The following ATL3 variants were observed in gnomAD, a reference collection of about 807,000 sequenced individuals.
ATL3 encodes atlastin-3.
Under a neutral mutation model 69.5 loss-of-function variants are expected in ATL3, and 49 were observed. The ratio of observed to expected loss-of-function variants is 0.71; its 90% CI spans 0.56 to 0.89. ATL3 has a LOEUF of 0.89. ATL3 is among the 40% of genes least tolerant of loss of function. The pLI is 0.00. For missense variants in ATL3, 606 were observed against 645.7 expected, an observed-to-expected ratio of 0.94 and a Z score of 0.67; for synonymous variants, 214 against 224.1, an observed-to-expected ratio of 0.95 and a Z score of 0.40.
chr11:63,657,205 T>G (rs1590740539), intron 3 of ATL3, among the ~76,000 whole-genome samples: 2 of 94,186 alleles, frequency 2.1e-5, no homozygotes, highest in Non-Finnish European at 2.2e-5. Context: ...TGAGACTACA[T>G]CTCAAAAAAA....
upstream of ATL3, chr11:63,671,742 T>C (rs1940796341): frequency 8.2e-7 from 1 of 1,222,600 alleles, no homozygotes; most frequent in Non-Finnish European, 1.0e-6. Context: ...GGGCGGGGCT[T>C]GGCGTGGTTC....
At chr11:63,668,653 G>A (rs1163726330) in intron 1 of ATL3, among the ~76,000 whole-genome samples, 3 of 152,022 alleles carry the variant, frequency 2.0e-5, no homozygotes, top group Non-Finnish European at 4.4e-5. Context: ...CCAAGGAGAG[G>A]GCTGAATCTG....
At position 63,631,969 on chromosome 11, in the gene ATL3, G is replaced by A. The variant is rs1192052256; in HGVS notation, c.1108-498C>T. ...TGCACTCCAGCCTGGGCGACAGAGTGAGACTCCGTCTCTAAAAAACAAAAG... is the reference window on the plus strand; with the variant it reads ...TGCACTCCAGCCTGGGCGACAGAGTAAGACTCCGTCTCTAAAAAACAAAAG... On this transcript the variant is annotated intron_variant, in intron 11 of 12. Coordinates refer to ENST00000398868, the MANE Select transcript of ATL3 (RefSeq NM_015459.5). Among the ~76,000 whole-genome samples the A allele has an allele frequency of 2.6e-5, 4 of 152,176 alleles. No homozygotes were observed. In the East Asian group the frequency reaches 7.7e-4, roughly 29 times the overall value.
intron 5 of ATL3, among the ~76,000 whole-genome samples, chr11:63,646,927 T>C (rs1415669831): frequency 1.3e-5 from 2 of 152,150 alleles, no homozygotes; most frequent in African/African-American, 4.8e-5. Flanking sequence ...CCCCACAACC[T>C]CATTCAGTAT....
At chr11:63,636,388 C>A (rs1383284950) in intron 8 of ATL3, 54 bp from the exon 9 acceptor site, 17 of 1,608,266 alleles carry the variant, frequency 1.1e-5, no homozygotes, top group Non-Finnish European at 1.4e-5. Flanking sequence ...CTTATTCAAC[C>A]AAGGTGAACA....
rs775479502 is a variant in ATL3, at chr11:63,659,091, G to A, written c.208C>T (p.Arg70Ter). 7.4e-6 allele frequency: 12 copies of A among 1,613,836 alleles called. No homozygotes were observed. The Admixed American group carries it at 8.3e-5, about 11-fold the overall frequency. ...VVVVSVAGAF[R>*]KGKSFILDFM... ...TCCAGAATGAAGGACTTGCCCTTTC[G>A]GAAGGCACCAGCCACTGAAACCACC... Residue 70 changes from arginine (R) to a stop codon, truncating the protein, a stop_gained, in exon 2 of 13, where the codon CGA (arginine) becomes TGA (stop). Coordinates refer to ENST00000398868, the MANE Select transcript of ATL3 (RefSeq NM_015459.5). LOFTEE classifies it high-confidence loss of function.
At chr11:63,652,810 C>T (rs2134508845) in intron 3 of ATL3, among the ~76,000 whole-genome samples, 1 of 152,302 alleles carries the variant, frequency 6.6e-6, no homozygotes, top group Middle Eastern at 3.4e-3. Context: ...AATTGCCCCA[C>T]CAATTGAAAC....
At chr11:63,646,137 C>A (rs1056285102) in intron 6 of ATL3, among the ~76,000 whole-genome samples, 16 of 152,200 alleles carry the variant, frequency 1.1e-4, no homozygotes, top group Admixed American at 9.8e-4. Context: ...AATTCTTCCA[C>A]CTGGGTCTCC....
intron 1 of ATL3, among the ~76,000 whole-genome samples, chr11:63,663,015 G>GCAGACAAAA (rs1257407114): frequency 6.6e-6 from 1 of 152,168 alleles, no homozygotes; most frequent in Non-Finnish European, 1.5e-5. Context: ...GGCAGGCAAA[G>GCAGACAAAA]CAGACAAAAC....
rs3892683 is a variant in ATL3, at chr11:63,648,189, C to T, written c.562-1626G>A. ...CTGAGGTTAGGAGTAAGTCTCCTAC[C>T]TTCAAACAGGTACTTAAATCAAAGT... is the stretch of plus-strand genomic sequence containing the variant. On this transcript the variant is annotated intron_variant, in intron 5 of 12. Transcript: ENST00000398868. Among the ~76,000 whole-genome samples, 148 of 152,164 alleles carry T rather than the reference C, an allele frequency of 9.7e-4. 1 individual carries two copies. The highest frequency in any genetic ancestry group is 1.6e-3 in the Non-Finnish European group (112 of 68,034).
At chr11:63,661,578 A>AAAGAG (rs369003319) in intron 1 of ATL3, among the ~76,000 whole-genome samples, 60 of 152,100 alleles carry the variant, frequency 3.9e-4, no homozygotes, top group East Asian at 2.7e-3. Flanking sequence ...AGACTGTCTT[A>AAAGAG]AAGAGAAGAG....
At chr11:63,642,908 C>G (rs956310109) in intron 8 of ATL3, among the ~76,000 whole-genome samples, 1 of 152,218 alleles carries the variant, frequency 6.6e-6, no homozygotes, top group Non-Finnish European at 1.5e-5. Flanking sequence ...ACTACGATTC[C>G]TCTCACCTAC....
At position 63,635,549 on chromosome 11, in the gene ATL3, G is replaced by A. The variant is rs773989806; in HGVS notation, c.1020C>T (p.Pro340=). Residue 340 remains proline, a synonymous_variant, in exon 10 of 13, where the codon CCC becomes CCT. Transcript: ENST00000398868. The part of the protein sequence containing the change: ...KIYQGEDLPH[P]KSMLQATAEA... The stretch of plus-strand genomic sequence containing the variant: ...CATTGTTTACCTGAAGCATGGACTT[G>A]GGGTGAGGCAGATCTTCTCCTTGAT... The A allele has an allele frequency of 1.9e-6, 3 of 1,612,246 alleles. No homozygotes were observed. In the East Asian group the frequency reaches 6.7e-5, roughly 36 times the overall value.
rs1940606523 is a variant in ATL3 at position 63,667,368 on chromosome 11, C to CG, written c.46+3921dup. Among the ~76,000 whole-genome samples the CG allele has an allele frequency of 2.0e-5, 3 of 150,908 alleles. No homozygotes were observed. The South Asian group carries it at 6.3e-4, about 31-fold the overall frequency. On this transcript the variant is annotated intron_variant, in intron 1 of 12. Transcript: ENST00000398868. ...TTTTTGAGACAGATTCTTGCTCTGT[C>CG]GCCCAGGCTGGTGAGCAGTGGCGTC...
chr11:63,628,389 A>G lies in ATL3; in HGVS notation c.*930T>C, dbSNP rs1939189100. ...CTACTGGGTAAAAACCTCACATTTC[A>G]GAGTATGGTATATTTAAATATGACA... On this transcript the variant is annotated 3_prime_UTR_variant, in exon 13 of 13. Transcript: ENST00000398868. 1 of 151,846 alleles carries G rather than the reference A, an allele frequency of 6.6e-6. No individual in the cohort carries two copies. 9.4% of individuals were successfully genotyped at this position (151,846 alleles called of 1,614,324 possible).
chr11:63,649,389 C>T (rs1044883580), intron 5 of ATL3, among the ~76,000 whole-genome samples: 1 of 152,088 alleles, frequency 6.6e-6, no homozygotes, highest in Non-Finnish European at 1.5e-5. Context: ...CATGATTCAC[C>T]TGCCTCAGCC....
chr11:63,644,383 T>A, intron 6 of ATL3, 122 bp from the exon 7 acceptor site: 1 of 118,770 alleles, frequency 8.4e-6, no homozygotes, highest in South Asian at 2.2e-4. Flanking sequence ...AGGATTTACC[T>A]TTTTTTTTTT....
intron 11 of ATL3, 54 bp downstream of exon 11, chr11:63,632,972 A>G: frequency 1.3e-6 from 2 of 1,545,652 alleles, no homozygotes; most frequent in Non-Finnish European, 1.8e-6. Context: ...TTTTGAAGTC[A>G]GCAACAATGC....
chr11:63,629,127 A>G lies in ATL3; in HGVS notation c.*192T>C. ...ACAGCAAGGAAAAGAAATGCTTCCA[A>G]GAGAAATGGAAGTGTGTTTAATAAT... On this transcript the variant is annotated 3_prime_UTR_variant, in exon 13 of 13. Transcript: ENST00000398868. 3.5e-6 allele frequency: 2 copies of G among 565,668 alleles called. No individual in the cohort carries two copies. Among genetic ancestry groups the G allele is most frequent in the Non-Finnish European group, 6.4e-6 (2 of 313,832 alleles). The allele number at this position is 565,668 out of a possible 1,614,324, so 35.0% of individuals were successfully genotyped here. A position where few individuals can be genotyped will look rare whatever the true frequency, so the allele number is the denominator to read the frequency against.
Sources: gnomAD v4.1 joint callset for allele counts (sites outside exome capture counted in the v4.1 genomes callset) on GRCh38, gnomAD v4.1.1 for gene constraint, MANE v1.5 for transcripts, NCBI Gene and HGNC (gene_info 2026-07-23, HGNC 2026-07-21) for gene names.